Variants in ARHGAP6 observed in about 807,000 individuals in gnomAD.
ARHGAP6 encodes the protein Rho GTPase activating protein 6.
In ARHGAP6, 16 loss-of-function variants were observed where a neutral mutation model predicts 55.7. The observed-to-expected ratio is 0.29, with a 90% confidence interval of 0.19 to 0.44. The LOEUF (loss-of-function observed/expected upper bound fraction) is 0.44, where lower values mean the gene tolerates loss of function less well. ARHGAP6 is among the 20% of genes least tolerant of loss of function. The pLI is 1.00. For missense variants in ARHGAP6, 698 were observed against 808.9 expected (o/e 0.86, Z 1.66); for synonymous variants, 382 against 360.9 (o/e 1.06, Z -0.66).
chrX:11,660,704 G>T (rs893209129), intron 1 of ARHGAP6, among the ~76,000 whole-genome samples: 1 of 109,940 alleles, frequency 9.1e-6, no homozygotes, highest in Admixed American at 9.7e-5. Context: ...TGCGCTTAGG[G>T]CCCTCTAAGT....
At chrX:11,490,501 A>C (rs1215744567) in intron 1 of ARHGAP6, among the ~76,000 whole-genome samples, 8 of 112,177 alleles carry the variant, frequency 7.1e-5, no homozygotes, top group African/African-American at 2.6e-4. Flanking sequence ...CCCTGAGCAG[A>C]CGACCCAGTT....
intron 1 of ARHGAP6, among the ~76,000 whole-genome samples, chrX:11,393,039 T>C (rs1008698975): frequency 1.1e-4 from 12 of 111,562 alleles, no homozygotes; most frequent in African/African-American, 3.9e-4. Flanking sequence ...ATTCAGGAAA[T>C]AGTCAGTTAG....
chrX:11,277,781 A>C (rs1210632347), intron 1 of ARHGAP6, among the ~76,000 whole-genome samples: 1 of 110,826 alleles, frequency 9.0e-6, no homozygotes, highest in African/African-American at 3.3e-5. Context: ...TTATGTTTAT[A>C]TTTTAACTCT....
At chrX:11,211,611 T>C (rs2046803292) in intron 2 of ARHGAP6, among the ~76,000 whole-genome samples, 1 of 109,970 alleles carries the variant, frequency 9.1e-6, no homozygotes, top group South Asian at 3.8e-4. Context: ...TGGCGCAATC[T>C]CAGCTCACTG....
chrX:11,157,440 A>G (rs2045878383), intron 9 of ARHGAP6, among the ~76,000 whole-genome samples: 1 of 112,026 alleles, frequency 8.9e-6, no homozygotes, highest in African/African-American at 3.2e-5. Flanking sequence ...AGAGTTCTAT[A>G]GATGAGCATC....
chrX:11,436,190 C>T (rs149379257), intron 1 of ARHGAP6, among the ~76,000 whole-genome samples: 1 of 112,356 alleles, frequency 8.9e-6, no homozygotes, highest in Non-Finnish European at 1.9e-5. Flanking sequence ...TAAACTTAGC[C>T]ACTTGTTCCC....
At chrX:11,647,006 T>C (rs1410613440) in intron 1 of ARHGAP6, among the ~76,000 whole-genome samples, 3 of 111,997 alleles carry the variant, frequency 2.7e-5, no homozygotes, top group Non-Finnish European at 5.6e-5. Context: ...TAAGTTAAAA[T>C]CAAACTCATA....
intron 1 of ARHGAP6, among the ~76,000 whole-genome samples, chrX:11,380,709 AG>A (rs1373527164): frequency 1.8e-5 from 2 of 111,903 alleles, no homozygotes; most frequent in Non-Finnish European, 3.8e-5. Context: ...AGCACTGGTT[AG>A]GAGTACAGTT....
At chrX:11,603,319 A>G (rs1264560412) in intron 1 of ARHGAP6, among the ~76,000 whole-genome samples, 10 of 112,100 alleles carry the variant, frequency 8.9e-5, no homozygotes, top group Non-Finnish European at 1.7e-4. Context: ...AGGTGTGAGC[A>G]TTTCAGTCCT....
chrX:11,174,518 T>TTTCTTTCCTTCC (rs2046141871), intron 8 of ARHGAP6, among the ~76,000 whole-genome samples: 3 of 69,548 alleles, frequency 4.3e-5, no homozygotes, highest in Admixed American at 1.6e-4. Flanking sequence ...TCTTTCTTTC[T>TTTCTTTCCTTCC]TTCCTTCCTT....
intron 1 of ARHGAP6, among the ~76,000 whole-genome samples, chrX:11,568,154 GAA>G (rs1004126764): frequency 9.1e-6 from 1 of 109,642 alleles, no homozygotes; most frequent in African/African-American, 3.3e-5. Context: ...GGAGGACCTG[GAA>G]AAAAAAAGTC....
chrX:11,154,886 A>G (rs2045842347), intron 10 of ARHGAP6, among the ~76,000 whole-genome samples: 2 of 112,653 alleles, frequency 1.8e-5, no homozygotes, highest in African/African-American at 3.2e-5. Context: ...CAATTTGAAT[A>G]TAATTTTATT....
intron 1 of ARHGAP6, among the ~76,000 whole-genome samples, chrX:11,350,300 T>C (rs941209122): frequency 8.9e-6 from 1 of 112,469 alleles, no homozygotes; most frequent in African/African-American, 3.2e-5. Context: ...TAGAGGCTTA[T>C]TAAATTATCT....
chrX:11,608,124 A>C (rs1256617162), intron 1 of ARHGAP6, among the ~76,000 whole-genome samples: 1 of 111,683 alleles, frequency 9.0e-6, no homozygotes, highest in Non-Finnish European at 1.9e-5. Flanking sequence ...ACAAAGTGAT[A>C]ATTCACAGCT....
At chrX:11,201,989 C>CTGTGTGTGTGTGTG (rs56023548) in intron 2 of ARHGAP6, among the ~76,000 whole-genome samples, 1,953 of 65,494 alleles carry the variant, frequency 0.03, 172 homozygotes, top group African/African-American at 0.033. Flanking sequence ...GCATCTGGAT[C>CTGTGTGTGTGTGTG]TGTGTGTGTG....
intron 1 of ARHGAP6, among the ~76,000 whole-genome samples, chrX:11,481,370 G>T (rs190804344): frequency 8.9e-6 from 1 of 112,379 alleles, no homozygotes; most frequent in African/African-American, 3.2e-5. Context: ...TAATCAATTT[G>T]CAGAAAGACA....
intron 11 of ARHGAP6, chrX:11,143,638 T>C: frequency 1.0e-6 from 1 of 979,710 alleles, no homozygotes; most frequent in East Asian, 3.9e-5. Context: ...GACTAGCAAA[T>C]ATGCAACCCA....
At chrX:11,523,877 A>C (rs2050962523) in intron 1 of ARHGAP6, among the ~76,000 whole-genome samples, 2 of 111,490 alleles carry the variant, frequency 1.8e-5, no homozygotes, top group Non-Finnish European at 1.9e-5. Context: ...TAATGGGTAG[A>C]ACTCAGGTTT....
chrX:11,184,491 C>T (rs2046361788), intron 5 of ARHGAP6, among the ~76,000 whole-genome samples: 1 of 112,305 alleles, frequency 8.9e-6, no homozygotes, highest in Non-Finnish European at 1.9e-5. Context: ...AATAGTCCCA[C>T]CTGTGTAGAA....
Sources: gnomAD v4.1 joint callset for allele counts (sites outside exome capture counted in the v4.1 genomes callset) on GRCh38, gnomAD v4.1.1 for gene constraint, MANE v1.5 for transcripts, NCBI Gene and HGNC (gene_info 2026-07-23, HGNC 2026-07-21) for gene names.